Variants in ZNF17 observed in about 807,000 individuals in gnomAD.
ZNF17 encodes the protein zinc finger protein 17 (HPF3, KOX 10).
A neutral mutation model predicts 7.7 loss-of-function variants in ZNF17; 4 were observed. That is an observed-to-expected ratio of 0.52 (90% CI 0.26 to 1.20). The LOEUF is 1.20. ZNF17 is among the 50% of genes most tolerant of loss of function. The probability of loss-of-function intolerance (pLI) is 0.14; values close to 1 mark genes in which losing one functional copy is unlikely to be tolerated. For synonymous variants in ZNF17, 249 were observed against 258.8 expected (o/e 0.96, Z 0.36); for missense variants, 738 against 799.5 (o/e 0.92, Z 0.93).
At position 57,411,349 on chromosome 19, in the gene ZNF17, C is replaced by G; in HGVS notation, c.-78C>G. On this transcript the variant is annotated 5_prime_UTR_variant, in exon 1 of 4. Transcript: ENST00000307658. ...TGTCAGCGTCCAGGTCACTGCCGCT[C>G]CCGCCCCGCTCTTCCCTGGCTGTGC... The G allele has an allele frequency of 6.2e-7, 1 of 1,608,810 alleles. No homozygotes were observed. Among genetic ancestry groups the G allele is most frequent in the Non-Finnish European group, 8.5e-7 (1 of 1,177,588 alleles).
At chr19:57,412,970 C>T (rs1274503362) in intron 1 of ZNF17, among the ~76,000 whole-genome samples, 6 of 151,822 alleles carry the variant, frequency 4.0e-5, no homozygotes, top group Non-Finnish European at 8.8e-5. Flanking sequence ...CTCTGCCTCC[C>T]GGGTTCAAGC....
At chr19:57,418,679 TG>T (rs1200644833) in intron 3 of ZNF17, among the ~76,000 whole-genome samples, 1 of 152,098 alleles carries the variant, frequency 6.6e-6, no homozygotes. Context: ...TTGGCCCTGG[TG>T]GATGGGAGCT....
In ZNF17 at chr19:57,421,203, C is replaced by G; in HGVS notation, c.1717C>G (p.Arg573Gly). The G allele has an allele frequency of 6.2e-7, 1 of 1,613,876 alleles. No individual in the cohort carries two copies. Residue 573 changes from arginine (R) to glycine (G), a missense_variant, in exon 4 of 4, where the codon CGG becomes GGG. Arg to Gly is a moderately radical substitution (Grantham distance 125, BLOSUM62 -2). Coordinates refer to ENST00000307658, the MANE Select transcript of ZNF17 (RefSeq NM_001330617.2). ...RVFSQNSHLI[R>G]HQKVHTRERT... ...TTTTAGCCAAAATTCCCACCTCATTCGGCACCAAAAAGTTCACACTAGGGA... is the reference window on the plus strand; with the variant it reads ...TTTTAGCCAAAATTCCCACCTCATTGGGCACCAAAAAGTTCACACTAGGGA...
At chr19:57,413,504 T>C in intron 1 of ZNF17, 92 bp from the exon 2 acceptor site, 1 of 1,380,102 alleles carries the variant, frequency 7.2e-7, no homozygotes, top group Non-Finnish European at 9.9e-7. Flanking sequence ...CAGATAACTT[T>C]GCTCTAGTTG....
chr19:57,420,661 A>G lies in ZNF17; in HGVS notation c.1175A>G (p.Glu392Gly). 6.2e-7 allele frequency: 1 copy of G among 1,614,010 alleles called. No homozygotes were observed. Among genetic ancestry groups the G allele is most frequent in the Non-Finnish European group, 8.5e-7 (1 of 1,179,962 alleles). The change falls in exon 4 of 4, where the codon GAA (glutamate) becomes GGA (glycine). Residue 392 changes from glutamate to glycine, a missense_variant. Coordinates refer to ENST00000307658, the MANE Select transcript of ZNF17 (RefSeq NM_001330617.2). ...GGAGAAAAACCTTATGAATGCAACGAATGTGGGAAATTCTTTAGATACCGT... is the reference window on the plus strand; with the variant it reads ...GGAGAAAAACCTTATGAATGCAACGGATGTGGGAAATTCTTTAGATACCGT... ...HTGEKPYECN[E>G]CGKFFRYRST...
chr19:57,411,177 T>G lies in ZNF17; in HGVS notation c.-250T>G. 1 of 585,342 alleles carries G rather than the reference T, an allele frequency of 1.7e-6. No individual in the cohort carries two copies. Among genetic ancestry groups the G allele is most frequent in the Non-Finnish European group, 2.8e-6 (1 of 350,902 alleles). 36.3% of individuals were successfully genotyped at this position (585,342 alleles called of 1,614,324 possible). On this transcript the variant is annotated 5_prime_UTR_variant, in exon 1 of 4. Coordinates refer to ENST00000307658, the MANE Select transcript of ZNF17 (RefSeq NM_001330617.2). Reference sequence around the variant, plus strand: ...GGACTTCCTGCAACGCCTCCTGGGGTTGTCAATATGGCTGCGTTGGGATCT... The same window carrying G: ...GGACTTCCTGCAACGCCTCCTGGGGGTGTCAATATGGCTGCGTTGGGATCT...
At chr19:57,411,494 G>A (rs550576009) in intron 1 of ZNF17, 88 bp downstream of exon 1, 2 of 1,541,996 alleles carry the variant, frequency 1.3e-6, no homozygotes, top group Non-Finnish European at 1.7e-6. Flanking sequence ...AGGCCCCTGT[G>A]TCCCAAAGAG....
Position 57,421,849 on chromosome 19 carries a change from AT to A in ZNF17, c.*373del, listed in dbSNP as rs2088854363. The stretch of plus-strand genomic sequence containing the variant: ...TGTGGCTTATTTTGCTTAACGTTAT[AT>A]TTTTAAGGTTTCATGTTCTAATCCA... On this transcript the variant is annotated 3_prime_UTR_variant, in exon 4 of 4. Coordinates refer to ENST00000307658, the MANE Select transcript of ZNF17 (RefSeq NM_001330617.2). The A allele has an allele frequency of 5.9e-6, 1 of 170,706 alleles. No homozygotes were observed. The highest frequency in any genetic ancestry group is 1.7e-4 in the East Asian group (1 of 6,052). 10.6% of individuals were successfully genotyped at this position (170,706 alleles called of 1,614,324 possible).
Position 57,411,401 on chromosome 19 carries a change from A to G in ZNF17, c.-26A>G. 1 of 1,612,138 alleles carries G rather than the reference A, an allele frequency of 6.2e-7. No individual in the cohort carries two copies. Among genetic ancestry groups the G allele is most frequent in the African/African-American group, 1.3e-5 (1 of 74,978 alleles). ...GGCGGAGGCTGCGCCGATGAACCTGACTGAGGTGGGTGCCGCGTCCCAGGG... is the reference window on the plus strand; with the variant it reads ...GGCGGAGGCTGCGCCGATGAACCTGGCTGAGGTGGGTGCCGCGTCCCAGGG... On this transcript the variant is annotated 5_prime_UTR_variant, in exon 1 of 4. Coordinates refer to ENST00000307658, the MANE Select transcript of ZNF17 (RefSeq NM_001330617.2).
In ZNF17 at chr19:57,421,390, C is replaced by T. The variant is rs773895101; in HGVS notation, c.1904C>T (p.Thr635Ile). Residue 635 changes from threonine to isoleucine, a missense_variant, in exon 4 of 4, where the codon ACT becomes ATT. This residue lies in a region of ZNF17 where 116 missense variants were observed against 114.0 expected (regional missense o/e 1.02). Transcript: ENST00000307658. ...CTCATTAAACATCGGAGAATTCACA[C>T]TGGAGAGAGACCTTATCAGTGCAGT... ...SSLIKHRRIH[T>I]GERPYQCSEC... 1.2e-6 allele frequency: 2 copies of T among 1,614,044 alleles called. No individual in the cohort carries two copies. Among genetic ancestry groups the T allele is most frequent in the East Asian group, 2.2e-5 (1 of 44,892 alleles).
chr19:57,419,521 A>G (rs2088833133), intron 3 of ZNF17, 114 bp from the exon 4 acceptor site: 1 of 1,180,528 alleles, frequency 8.5e-7, no homozygotes, highest in Non-Finnish European at 1.2e-6. Flanking sequence ...TTAATGTCCC[A>G]TGCCTGTCAC....
At chr19:57,413,483 C>T in intron 1 of ZNF17, 113 bp from the exon 2 acceptor site, 3 of 1,126,720 alleles carry the variant, frequency 2.7e-6, no homozygotes, top group East Asian at 2.6e-5. Context: ...TGAGGACTTA[C>T]TGTGTACCCT....
intron 1 of ZNF17, 160 bp downstream of exon 1, chr19:57,411,566 A>G: frequency 1.4e-6 from 2 of 1,435,358 alleles, no homozygotes; most frequent in South Asian, 1.5e-5. Context: ...AGCTCCTGTC[A>G]GGGACCTGCA....
Position 57,417,894 on chromosome 19 carries a change from CTG to C in ZNF17, c.22-16_22-15del. On this transcript the variant is annotated splice_polypyrimidine_tract_variant and intron_variant, in intron 2 of 3. Coordinates refer to ENST00000307658, the MANE Select transcript of ZNF17 (RefSeq NM_001330617.2). The stretch of plus-strand genomic sequence containing the variant: ...AAAAAAAAGTTGCTCACAGACTAAA[CTG>C]TTATAATTTTGGCAGGATTATATGG... 1 of 1,597,730 alleles carries C rather than the reference CTG, an allele frequency of 6.3e-7. No individual in the cohort carries two copies. The highest frequency in any genetic ancestry group is 8.5e-7 in the Non-Finnish European group (1 of 1,169,626).
At position 57,421,158 on chromosome 19, in the gene ZNF17, T is replaced by C. The variant is rs1360285467; in HGVS notation, c.1672T>C (p.Cys558Arg). The C allele has an allele frequency of 6.2e-7, 1 of 1,613,980 alleles. No homozygotes were observed. The part of the protein sequence containing the change: ...RNHFGERSFE[C>R]TECGRVFSQN... ...TCACTTTGGAGAAAGGTCTTTTGAGTGCACTGAGTGTGGGAGAGTTTTTAG... is the reference window on the plus strand; with the variant it reads ...TCACTTTGGAGAAAGGTCTTTTGAGCGCACTGAGTGTGGGAGAGTTTTTAG... The change falls in exon 4 of 4, where the codon TGC becomes CGC. Residue 558 changes from cysteine to arginine, a missense_variant. This residue lies in a region of ZNF17 where 6 missense variants were observed against 21.5 expected (regional missense o/e 0.28). Transcript: ENST00000307658.
In ZNF17 at chr19:57,421,015, G is replaced by T; in HGVS notation, c.1529G>T (p.Arg510Ile). 1 of 1,614,042 alleles carries T rather than the reference G, an allele frequency of 6.2e-7. No homozygotes were observed. The highest frequency in any genetic ancestry group is 1.1e-5 in the South Asian group (1 of 91,076). The change falls in exon 4 of 4, where the codon AGA becomes ATA. Residue 510 changes from arginine (R) to isoleucine (I), a missense_variant. Physicochemically the swap from Arg to Ile is moderately conservative, Grantham distance 97. This residue lies in a region of ZNF17 where 616 missense variants were observed against 663.9 expected (regional missense o/e 0.93). Coordinates refer to ENST00000307658, the MANE Select transcript of ZNF17 (RefSeq NM_001330617.2). ...TGCAGCATTTGTGGGAAATCCTTTA[G>T]ATGTCGCTCCACACTTGATACACAT... ...FECSICGKSF[R>I]CRSTLDTHQR...
At chr19:57,411,587 T>C (rs1170033549) in intron 1 of ZNF17, 181 bp downstream of exon 1, 3 of 1,416,630 alleles carry the variant, frequency 2.1e-6, no homozygotes, top group Non-Finnish European at 2.8e-6. Context: ...CGTGCGAGGC[T>C]TAGAGGTGCT....
rs2088833072 is a variant in ZNF17, at chr19:57,419,514, A to ATGTCCCATGCCTGTCACC, written c.149-120_149-103dup. 2.7e-6 allele frequency: 3 copies of ATGTCCCATGCCTGTCACC among 1,102,546 alleles called. No individual in the cohort carries two copies. The Admixed American group carries it at 8.4e-5, about 31-fold the overall frequency. The allele number at this position is 1,102,546 out of a possible 1,614,324, so 68.3% of individuals were successfully genotyped here. The stretch of plus-strand genomic sequence containing the variant: ...GTAGGCTTTCCTCTCACTGGCTTTA[A>ATGTCCCATGCCTGTCACC]TGTCCCATGCCTGTCACCAATCCCA... On this transcript the variant is annotated intron_variant, in intron 3 of 3. Coordinates refer to ENST00000307658, the MANE Select transcript of ZNF17 (RefSeq NM_001330617.2).
intron 2 of ZNF17, among the ~76,000 whole-genome samples, chr19:57,414,772 G>A (rs977407488): frequency 6.6e-6 from 1 of 150,378 alleles, no homozygotes; most frequent in Non-Finnish European, 1.5e-5. Flanking sequence ...GTGCAGTGGC[G>A]TGAACTCGGC....
Sources: allele counts gnomAD v4.1 joint callset (sites outside exome capture counted in the v4.1 genomes callset), GRCh38; gene constraint gnomAD v4.1.1; regional missense constraint gnomAD v4.1.1; transcripts MANE v1.5; gene names NCBI Gene and HGNC (gene_info 2026-07-23, HGNC 2026-07-21).